Variants in MIGA1 observed in about 807,000 individuals in gnomAD.
MIGA1 encodes the protein mitoguardin 1.
MIGA1 carries 58 observed loss-of-function variants against 82.0 expected under a neutral mutation model. The observed-to-expected ratio is 0.71, with a 90% CI of 0.57 to 0.88. MIGA1 has a LOEUF of 0.88. Ranked by LOEUF, MIGA1 falls within the 40% of genes least tolerant of loss-of-function variation. The pLI is 0.00. For missense variants in MIGA1, 751 were observed against 749.1 expected, an observed-to-expected ratio of 1.00 and a Z score of -0.03; for synonymous variants, 249 against 253.6, an observed-to-expected ratio of 0.98 and a Z score of 0.17.
At chr1:77,847,950 T>C in intron 8 of MIGA1, 1 of 1,295,734 alleles carries the variant, frequency 7.7e-7, no homozygotes, top group East Asian at 2.3e-5. Context: ...GAAAAGGTCG[T>C]AGAGACCCCT....
chr1:77,781,198 C>G (rs1030416962), intron 1 of MIGA1, among the ~76,000 whole-genome samples: 5 of 152,058 alleles, frequency 3.3e-5, no homozygotes, highest in African/African-American at 1.2e-4. Context: ...CGTGAGCCAC[C>G]ACGCCTGGCC....
chr1:77,851,116 C>A (rs905721642), intron 8 of MIGA1, among the ~76,000 whole-genome samples: 3 of 152,152 alleles, frequency 2.0e-5, no homozygotes, highest in Non-Finnish European at 4.4e-5. Context: ...GATGATCCAC[C>A]CACCTCCGCC....
At chr1:77,843,249 G>A (rs1328665964) in intron 7 of MIGA1, 58 bp from the exon 8 acceptor site, 2 of 1,252,068 alleles carry the variant, frequency 1.6e-6, no homozygotes, top group African/African-American at 2.9e-5. Flanking sequence ...TATGGAATGT[G>A]AAATACCACA....
At chr1:77,797,419 G>A (rs978294611) in intron 2 of MIGA1, among the ~76,000 whole-genome samples, 43 of 152,284 alleles carry the variant, frequency 2.8e-4, no homozygotes, top group African/African-American at 1.0e-3. Context: ...CTTGAATTCA[G>A]CTATTTTGAG....
At chr1:77,861,587 T>G in intron 12 of MIGA1, 1 of 374,366 alleles carries the variant, frequency 2.7e-6, no homozygotes, top group South Asian at 3.1e-5. Flanking sequence ...CTCTCTTCCT[T>G]CTCTCCAAAA....
At chr1:77,845,325 ACTATGTC>A (rs1333325083) in intron 8 of MIGA1, among the ~76,000 whole-genome samples, 1 of 152,160 alleles carries the variant, frequency 6.6e-6, no homozygotes, top group East Asian at 1.9e-4. Context: ...TTCTGTAGAT[ACTATGTC>A]CTAGGTCGTT....
At chr1:77,780,122 A>G in intron 1 of MIGA1, 1 of 997,518 alleles carries the variant, frequency 1.0e-6, no homozygotes, top group Non-Finnish European at 1.2e-6. Flanking sequence ...GTTCTTGGCA[A>G]AGAAAAAGGA....
chr1:77,864,581 T>C (rs1396756423), intron 13 of MIGA1, among the ~76,000 whole-genome samples: 1 of 151,848 alleles, frequency 6.6e-6, no homozygotes, highest in African/African-American at 2.4e-5. Flanking sequence ...GAGGCTGAGG[T>C]GTAATAATCG....
chr1:77,876,454 T>C lies in MIGA1; in HGVS notation c.*1390T>C, dbSNP rs1055010041. On this transcript the variant is annotated 3_prime_UTR_variant, in exon 16 of 16. Transcript: ENST00000370791. ...AAGAGACTGAAGAACTTTCTTTTTATACATTAGAGCATTTTCCCCTGGAAT... is the reference window on the plus strand; with the variant it reads ...AAGAGACTGAAGAACTTTCTTTTTACACATTAGAGCATTTTCCCCTGGAAT... 6.6e-6 allele frequency: 1 copy of C among 152,264 alleles called. No homozygotes were observed. Among genetic ancestry groups the C allele is most frequent in the Non-Finnish European group, 1.5e-5 (1 of 68,052 alleles). The allele number at this position is 152,264 out of a possible 1,614,324, so 9.4% of individuals were successfully genotyped here. A position where few individuals can be genotyped will look rare whatever the true frequency, so the allele number is the denominator to read the frequency against.
intron 7 of MIGA1, 59 bp from the exon 8 acceptor site, chr1:77,843,248 T>C: frequency 3.2e-6 from 4 of 1,244,016 alleles, no homozygotes; most frequent in Non-Finnish European, 4.7e-6. Flanking sequence ...CTATGGAATG[T>C]GAAATACCAC....
intron 15 of MIGA1, among the ~76,000 whole-genome samples, chr1:77,873,470 C>T (rs1646866683): frequency 6.6e-6 from 1 of 152,144 alleles, no homozygotes; most frequent in Non-Finnish European, 1.5e-5. Context: ...CATACCTGGG[C>T]ACTTTTGAAA....
At position 77,843,347 on chromosome 1, in the gene MIGA1, CTT is replaced by C; in HGVS notation, c.938_939del (p.Phe313TrpfsTer49). 1.2e-6 allele frequency: 2 copies of C among 1,614,022 alleles called. No homozygotes were observed. The highest frequency in any genetic ancestry group is 1.7e-6 in the Non-Finnish European group (2 of 1,179,906). On this transcript the variant is annotated frameshift_variant, in exon 8 of 16. Coordinates refer to ENST00000370791, the MANE Select transcript of MIGA1 (RefSeq NM_198549.4). LOFTEE classifies it high-confidence loss of function. ...TCACCATGAAGGGTAATGTGGAAGA[CTT>C]TGGCCTGCGAGACACCTTGAGCATC...
In MIGA1 at chr1:77,877,549, A is replaced by T. The variant is rs1571034362; in HGVS notation, c.*2485A>T. ...TTGTTGCGGTATCTTTGGCCTTCAC[A>T]CACACATGTGTGCGTGCACGTGCAT... On this transcript the variant is annotated 3_prime_UTR_variant, in exon 16 of 16. Coordinates refer to ENST00000370791, the MANE Select transcript of MIGA1 (RefSeq NM_198549.4). The T allele has an allele frequency of 6.6e-6, 1 of 152,540 alleles. No homozygotes were observed. Among genetic ancestry groups the T allele is most frequent in the East Asian group, 1.9e-4 (1 of 5,200 alleles). The allele number at this position is 152,540 out of a possible 1,614,324, so 9.4% of individuals were successfully genotyped here. A position where few individuals can be genotyped will look rare whatever the true frequency, so the allele number is the denominator to read the frequency against.
chr1:77,871,228 A>G (rs1165728889), intron 14 of MIGA1, among the ~76,000 whole-genome samples: 2 of 152,108 alleles, frequency 1.3e-5, no homozygotes, highest in Admixed American at 6.6e-5. Context: ...TAGGCCCGGC[A>G]CAGTGGCTCT....
At chr1:77,859,475 G>A in intron 10 of MIGA1, 89 bp downstream of exon 10, 2 of 864,244 alleles carry the variant, frequency 2.3e-6, no homozygotes, top group South Asian at 1.4e-5. Context: ...GGACAGCTCT[G>A]TGCTCTTGAT....
At chr1:77,841,751 C>CT (rs377589722) in intron 7 of MIGA1, among the ~76,000 whole-genome samples, 2 of 143,816 alleles carry the variant, frequency 1.4e-5, no homozygotes, top group Non-Finnish European at 3.1e-5. Flanking sequence ...CTTTTCTTTT[C>CT]TTTCTTTGTT....
chr1:77,841,370 A>G (rs1274161215), intron 7 of MIGA1, among the ~76,000 whole-genome samples: 1 of 151,416 alleles, frequency 6.6e-6, no homozygotes, highest in Non-Finnish European at 1.5e-5. Context: ...ATGTATGGTT[A>G]TTTTTGGTGC....
intron 7 of MIGA1, among the ~76,000 whole-genome samples, chr1:77,826,977 T>G (rs1360602015): frequency 1.3e-5 from 2 of 151,244 alleles, no homozygotes; most frequent in Non-Finnish European, 2.9e-5. Context: ...GCTAATTTTT[T>G]TGTATATTTA....
chr1:77,841,771 C>CA (rs1557922613), intron 7 of MIGA1, among the ~76,000 whole-genome samples: 18 of 149,872 alleles, frequency 1.2e-4, no homozygotes, highest in Admixed American at 2.0e-4. Flanking sequence ...TCCTTTCTCT[C>CA]CCTCTCTCTC....
Sources: gnomAD v4.1 joint callset for allele counts (sites outside exome capture counted in the v4.1 genomes callset) on GRCh38, gnomAD v4.1.1 for gene constraint, MANE v1.5 for transcripts, NCBI Gene and HGNC (gene_info 2026-07-23, HGNC 2026-07-21) for gene names.